The following MED12L variants were observed in gnomAD, a reference collection of about 807,000 sequenced individuals.
MED12L encodes mediator of RNA polymerase II transcription subunit 12-like protein.
MED12L carries 60 observed loss-of-function variants against 281.3 expected under a neutral mutation model. The ratio of observed to expected loss-of-function variants is 0.21; its 90% confidence interval spans 0.17 to 0.26. The LOEUF is 0.26. MED12L is among the 10% of genes least tolerant of loss of function. The pLI, the probability that MED12L is intolerant of heterozygous loss-of-function variation, is 1.00. For missense variants in MED12L, 2,146 were observed against 2,680.9 expected (o/e 0.80, Z 4.41); for synonymous variants, 974 against 987.2 (o/e 0.99, Z 0.25).
At chr3:151,431,679 T>C (rs1719535814) in intron 44 of MED12L, among the ~76,000 whole-genome samples, 1 of 152,170 alleles carries the variant, frequency 6.6e-6, no homozygotes, top group Admixed American at 6.6e-5. Flanking sequence ...TGTTTAGAAA[T>C]AGGTAACTAT....
rs558398849 is a variant in MED12L, at chr3:151,385,091, C to T, written c.4988C>T (p.Pro1663Leu). 8 of 1,611,932 alleles carry T rather than the reference C, an allele frequency of 5.0e-6. No individual in the cohort carries two copies. Among genetic ancestry groups the T allele is most frequent in the Admixed American group, 1.7e-5 (1 of 59,688 alleles). The change falls in exon 36 of 45, where the codon CCG becomes CTG. Residue 1663 changes from proline to leucine, a missense_variant. Around this residue, in one of 9 missense-constraint regions of MED12L, gnomAD observed 212 missense variants for 340.8 expected, o/e 0.62. Coordinates refer to ENST00000687756, the MANE Select transcript of MED12L (RefSeq NM_001393769.1). ...IDKVRQLLPL[P>L]KQTCDVITCE... The stretch of plus-strand genomic sequence containing the variant: ...AAAGTTCGACAGTTACTACCTTTGC[C>T]GAAACAGACATGTGATGTCATCACT...
chr3:151,263,594 A>G (rs1051087670), intron 16 of MED12L, among the ~76,000 whole-genome samples: 1 of 152,252 alleles, frequency 6.6e-6, no homozygotes, highest in East Asian at 1.9e-4. Context: ...ATTATTTCCC[A>G]GAACATCAAA....
chr3:151,397,311 T>C (rs1015512667), intron 39 of MED12L, among the ~76,000 whole-genome samples: 2 of 152,202 alleles, frequency 1.3e-5, no homozygotes, highest in African/African-American at 4.8e-5. Flanking sequence ...TGTCTTTTTC[T>C]CTCATCATTC....
chr3:151,109,323 C>T (rs529325874), intron 2 of MED12L, among the ~76,000 whole-genome samples: 219 of 152,326 alleles, frequency 1.4e-3, no homozygotes, highest in Non-Finnish European at 2.1e-3. Context: ...TCCCAAAGTG[C>T]GTGAGCCACC....
chr3:151,294,813 T>A, intron 16 of MED12L: 1 of 1,614,170 alleles, frequency 6.2e-7, no homozygotes, highest in Non-Finnish European at 8.5e-7. Context: ...CCAAATGGCT[T>A]GACCACCTTC....
chr3:151,376,790 T>C lies in MED12L; in HGVS notation c.4054-10T>C. 1 of 1,610,444 alleles carries C rather than the reference T, an allele frequency of 6.2e-7. No individual in the cohort carries two copies. The highest frequency in any genetic ancestry group is 8.5e-7 in the Non-Finnish European group (1 of 1,177,036). On this transcript the variant is annotated splice_polypyrimidine_tract_variant and intron_variant, in intron 28 of 44. Coordinates refer to ENST00000687756, the MANE Select transcript of MED12L (RefSeq NM_001393769.1). ...ACCCATAATGTTTTAATTCTTTCCA[T>C]TTTTCCCAGAATCTTGAGCAGTGGA...
chr3:151,193,413 GT>G, intron 15 of MED12L, 76 bp from the exon 16 acceptor site: 1 of 1,110,148 alleles, frequency 9.0e-7, no homozygotes. Context: ...TTATGTGTGT[GT>G]TTTGGTATGT....
intron 16 of MED12L, among the ~76,000 whole-genome samples, chr3:151,231,729 A>G (rs902860777): frequency 6.6e-6 from 1 of 152,202 alleles, no homozygotes; most frequent in African/African-American, 2.4e-5. Context: ...GTTTTGAGAC[A>G]GTTGTATAAC....
intron 16 of MED12L, among the ~76,000 whole-genome samples, chr3:151,323,465 T>A (rs1015120156): frequency 6.6e-6 from 1 of 152,200 alleles, no homozygotes; most frequent in Non-Finnish European, 1.5e-5. Flanking sequence ...GTATTCCCTA[T>A]GTCATGTGCT....
intron 16 of MED12L, chr3:151,328,478 T>G: frequency 6.2e-7 from 1 of 1,614,022 alleles, no homozygotes; most frequent in African/African-American, 1.3e-5. Context: ...GGAAGCACAC[T>G]TTTTCACAGA....
intron 16 of MED12L, among the ~76,000 whole-genome samples, chr3:151,232,777 T>G (rs1731955379): frequency 6.6e-6 from 1 of 152,114 alleles, no homozygotes; most frequent in Admixed American, 6.6e-5. Context: ...ACACTGAGGC[T>G]TACTTGAGGA....
At chr3:151,416,567 G>T in intron 43 of MED12L, 145 bp downstream of exon 43, 1 of 730,084 alleles carries the variant, frequency 1.4e-6, no homozygotes, top group South Asian at 1.9e-5. Flanking sequence ...GAGTTTTATT[G>T]TCATTGTAGT....
At chr3:151,134,100 G>A (rs1212190323) in intron 5 of MED12L, among the ~76,000 whole-genome samples, 1 of 152,036 alleles carries the variant, frequency 6.6e-6, no homozygotes, top group Admixed American at 6.6e-5. Context: ...GGTTGAATCA[G>A]CTCCCGATGT....
intron 27 of MED12L, 125 bp from the exon 28 acceptor site, chr3:151,375,901 A>T: frequency 1.9e-6 from 1 of 539,532 alleles, no homozygotes; most frequent in Non-Finnish European, 2.8e-6. Flanking sequence ...TTTTTAATGT[A>T]ATTTTTTAAA....
In MED12L at chr3:151,235,787, G is replaced by C. The variant is rs954969223; in HGVS notation, c.2250+42121G>C. Among the ~76,000 whole-genome samples the C allele has an allele frequency of 2.6e-5, 4 of 152,066 alleles. No individual in the cohort carries two copies. In the East Asian group the frequency reaches 7.7e-4, roughly 29 times the overall value. On this transcript the variant is annotated intron_variant, in intron 16 of 44. Transcript: ENST00000687756. ...CTTCTGCCTGTGATTGTCAGTCTCT[G>C]GTACCTTTGTGTGGCTGCCACATGC...
intron 11 of MED12L, among the ~76,000 whole-genome samples, chr3:151,174,542 C>A (rs1721812358): frequency 6.6e-6 from 1 of 152,070 alleles, no homozygotes; most frequent in Non-Finnish European, 1.5e-5. Context: ...AAGGAAGTTG[C>A]TTTTGCTTCC....
intron 16 of MED12L, among the ~76,000 whole-genome samples, chr3:151,205,732 C>A (rs1247165392): frequency 6.6e-6 from 1 of 152,118 alleles, no homozygotes; most frequent in Non-Finnish European, 1.5e-5. Flanking sequence ...CACAGTTAGA[C>A]CCTAGCGTCC....
At chr3:151,127,478 C>A (rs1283148549) in intron 4 of MED12L, among the ~76,000 whole-genome samples, 1 of 152,120 alleles carries the variant, frequency 6.6e-6, no homozygotes, top group Non-Finnish European at 1.5e-5. Context: ...CTTTGGAGGA[C>A]TGTCATGAAA....
chr3:151,323,073 G>A (rs1463748374), intron 16 of MED12L, among the ~76,000 whole-genome samples: 2 of 152,148 alleles, frequency 1.3e-5, no homozygotes, highest in African/African-American at 2.4e-5. Flanking sequence ...CCCTCAATTC[G>A]AGGAGAAGGG....
Sources: gnomAD v4.1 joint callset for allele counts (sites outside exome capture counted in the v4.1 genomes callset) on GRCh38, gnomAD v4.1.1 for gene constraint, gnomAD v4.1.1 regional missense constraint, MANE v1.5 for transcripts, NCBI Gene and HGNC (gene_info 2026-07-23, HGNC 2026-07-21) for gene names.